Variants in CLASP1 observed in about 807,000 individuals in gnomAD.
The protein encoded by CLASP1 is cytoplasmic linker associated protein 1.
Under a neutral mutation model 192.3 loss-of-function variants are expected in CLASP1, and 38 were observed. That is an observed-to-expected ratio of 0.20 (90% CI 0.15 to 0.26). CLASP1 has a LOEUF of 0.26. Ranked by LOEUF, CLASP1 falls within the 10% of genes least tolerant of loss-of-function variation. The probability of loss-of-function intolerance (pLI) is 1.00; values close to 1 mark genes in which losing one functional copy is unlikely to be tolerated. For synonymous variants in CLASP1, 691 were observed against 712.8 expected, an observed-to-expected ratio of 0.97 and a Z score of 0.49; for missense variants, 1,433 against 1,932.5, an observed-to-expected ratio of 0.74 and a Z score of 4.85.
rs368425278 is a variant in CLASP1, at chr2:121,367,696, G to A, written c.3778C>T (p.Arg1260Trp). ...GGGTACGGGTTGTAGTCTCGCGCCC[G>A]CGGCCCCGGGAAGGCGCGCGGAGGC... Residue 1260 changes from arginine to tryptophan, a missense_variant, in exon 35 of 40, where the codon CGG becomes TGG. By Grantham distance (101) the Arg-to-Trp change is moderately radical. Coordinates refer to ENST00000263710, the Ensembl canonical transcript of CLASP1. The A allele has an allele frequency of 2.3e-5, 37 of 1,613,896 alleles. 1 individual carries two copies. Among genetic ancestry groups the A allele is most frequent in the African/African-American group, 1.1e-4 (8 of 74,920 alleles).
At position 121,530,931 on chromosome 2, in the gene CLASP1, G is replaced by T. The variant is rs557186710; in HGVS notation, c.196-606C>A. On this transcript the variant is annotated intron_variant, in intron 2 of 39. Transcript: ENST00000263710. Reference sequence around the variant, plus strand: ...ACTGTCCAATGAGCGCATAGTGAGGGCAGTACTGCTAACGCCTGAACAACA... The same window carrying T: ...ACTGTCCAATGAGCGCATAGTGAGGTCAGTACTGCTAACGCCTGAACAACA... 147 of 700,376 alleles carry T rather than the reference G, an allele frequency of 2.1e-4. No individual in the cohort carries two copies. The highest frequency in any genetic ancestry group is 3.4e-4 in the Non-Finnish European group (130 of 384,792). The allele number at this position is 700,376 out of a possible 1,614,324, so 43.4% of individuals were successfully genotyped here.
chr2:121,541,646 T>C lies in CLASP1; in HGVS notation c.196-11321A>G, dbSNP rs543128345. 9.8e-5 allele frequency among the ~76,000 whole-genome samples: 15 copies of C among 152,304 alleles called. 1 individual carries two copies. Among genetic ancestry groups the C allele is most frequent in the African/African-American group, 3.4e-4 (14 of 41,568 alleles). ...CGTCAGCCTCGGCGCTACACCTCTCTGAGGCTCTGGGAATGCCTCAGCTAG... is the reference window on the plus strand; with the variant it reads ...CGTCAGCCTCGGCGCTACACCTCTCCGAGGCTCTGGGAATGCCTCAGCTAG... On this transcript the variant is annotated intron_variant, in intron 2 of 39. Coordinates refer to ENST00000263710, the Ensembl canonical transcript of CLASP1.
chr2:121,347,770 C>T (rs2063640649), intron 38 of CLASP1, among the ~76,000 whole-genome samples: 1 of 152,138 alleles, frequency 6.6e-6, no homozygotes, highest in Admixed American at 6.5e-5. Context: ...TGTGCCTTTC[C>T]CTTTGTTTGG....
chr2:121,491,661 C>T (rs1234426943), intron 8 of CLASP1, among the ~76,000 whole-genome samples: 1 of 152,170 alleles, frequency 6.6e-6, no homozygotes, highest in African/African-American at 2.4e-5. Context: ...AAAGAAGAAA[C>T]ATCTATATAG....
intron 2 of CLASP1, among the ~76,000 whole-genome samples, chr2:121,556,639 G>A (rs2058597492): frequency 6.6e-6 from 1 of 152,086 alleles, no homozygotes; most frequent in African/African-American, 2.4e-5. Context: ...CTTCCCCTAA[G>A]TAACACATAA....
chr2:121,462,736 T>TATA, intron 9 of CLASP1, 131 bp from the exon 10 acceptor site: 4 of 623,734 alleles, frequency 6.4e-6, no homozygotes, highest in Non-Finnish European at 1.1e-5. Context: ...AAAGGCTTCA[T>TATA]ATAACTTTGA....
In CLASP1 at chr2:121,345,880, C is replaced by T. The variant is rs114552068; in HGVS notation, c.4530+1158G>A. On this transcript the variant is annotated intron_variant, in intron 39 of 39. Transcript: ENST00000263710. The stretch of plus-strand genomic sequence containing the variant: ...TGCTATTGGCACATGTCGGTATAGA[C>T]GGTGGTGGTCAGAGATGCTGCTTAA... Among the ~76,000 whole-genome samples the T allele has an allele frequency of 8.7e-3, 1,326 of 152,282 alleles. 13 individuals carry two copies. Among genetic ancestry groups the T allele is most frequent in the Non-Finnish European group, 0.015 (992 of 68,014 alleles).
intron 1 of CLASP1, among the ~76,000 whole-genome samples, chr2:121,631,600 T>A (rs2069668254): frequency 6.6e-6 from 1 of 152,022 alleles, no homozygotes; most frequent in South Asian, 2.1e-4. Context: ...ATTACATTTT[T>A]TAAACATATT....
rs1284074165 is a variant in CLASP1 at position 121,515,782 on chromosome 2, T to G, written c.547-20A>C. The G allele has an allele frequency of 6.2e-7, 1 of 1,602,266 alleles. No individual in the cohort carries two copies. On this transcript the variant is annotated intron_variant, in intron 6 of 39. Coordinates refer to ENST00000263710, the Ensembl canonical transcript of CLASP1. ...TCGAACCTAGATATAAAAGAAGAGATCTTACAGCTGCTCTGTGTCATCCCC... is the reference window on the plus strand; with the variant it reads ...TCGAACCTAGATATAAAAGAAGAGAGCTTACAGCTGCTCTGTGTCATCCCC...
chr2:121,611,067 A>G (rs201295109), intron 1 of CLASP1, among the ~76,000 whole-genome samples: 60 of 91,536 alleles, frequency 6.6e-4, no homozygotes, highest in South Asian at 1.3e-3. Context: ...AGGAGGAAGA[A>G]GAACTGGAGG....
intron 35 of CLASP1, among the ~76,000 whole-genome samples, chr2:121,366,719 C>G (rs944078721): frequency 6.6e-6 from 1 of 152,210 alleles, no homozygotes; most frequent in Non-Finnish European, 1.5e-5. Flanking sequence ...GTTCTAATTA[C>G]TCATTCAAAC....
At position 121,525,842 on chromosome 2, in the gene CLASP1, C is replaced by A; in HGVS notation, c.546+3G>T. 6.2e-7 allele frequency: 1 copy of A among 1,609,050 alleles called. No homozygotes were observed. Among genetic ancestry groups the A allele is most frequent in the Non-Finnish European group, 8.5e-7 (1 of 1,175,916 alleles). ...TCTCCCGAGGGTTTTCCTTCTCACT[C>A]ACCTGGCTGTTTGGATCTCCAAGTA... On this transcript the variant is annotated splice_donor_region_variant and intron_variant, in intron 6 of 39. Coordinates refer to ENST00000263710, the Ensembl canonical transcript of CLASP1.
At chr2:121,622,722 T>C (rs1272096164) in intron 1 of CLASP1, among the ~76,000 whole-genome samples, 1 of 152,234 alleles carries the variant, frequency 6.6e-6, no homozygotes, top group Non-Finnish European at 1.5e-5. Context: ...TTAATTTCTG[T>C]ATATTGATCC....
intron 1 of CLASP1, among the ~76,000 whole-genome samples, chr2:121,610,533 GGAGGAAGAGGAGCTGGAGGAGGAA>G (rs2065158576): frequency 6.7e-6 from 1 of 150,222 alleles, no homozygotes; most frequent in African/African-American, 2.5e-5. Flanking sequence ...AGGAGTTACA[GGAGGAAGAGGAGCTGGAGGAGGAA>G]GAGGAGTTAC....
At chr2:121,506,252 C>T (rs2093947015) in intron 7 of CLASP1, among the ~76,000 whole-genome samples, 1 of 152,078 alleles carries the variant, frequency 6.6e-6, no homozygotes, top group South Asian at 2.1e-4. Flanking sequence ...GCTGAAGTTC[C>T]CAAGTCTGGA....
At position 121,588,887 on chromosome 2, in the gene CLASP1, G is replaced by A. The variant is rs190543680; in HGVS notation, c.195+16814C>T. On this transcript the variant is annotated intron_variant, in intron 2 of 39. Coordinates refer to ENST00000263710, the Ensembl canonical transcript of CLASP1. ...CCTGTCCCTTTACATGAGTGGGAGC[G>A]ACCATTTTCGTGCACAGCCATGTCT... 2.8e-4 allele frequency among the ~76,000 whole-genome samples: 43 copies of A among 152,270 alleles called. No individual in the cohort carries two copies. In the East Asian group the frequency reaches 6.4e-3, roughly 23 times the overall value.
chr2:121,475,347 T>C (rs1233597382), intron 8 of CLASP1, among the ~76,000 whole-genome samples: 10 of 152,220 alleles, frequency 6.6e-5, no homozygotes, highest in Admixed American at 1.3e-4. Flanking sequence ...TCCTAGCTTT[T>C]CAGATATCAG....
intron 30 of CLASP1, among the ~76,000 whole-genome samples, chr2:121,396,885 T>G (rs574896920): frequency 6.6e-6 from 1 of 152,340 alleles, no homozygotes; most frequent in South Asian, 2.1e-4. Flanking sequence ...TAAAAGACAC[T>G]AATTTACTAG....
intron 28 of CLASP1, among the ~76,000 whole-genome samples, chr2:121,399,022 T>C (rs1219658220): frequency 2.0e-5 from 3 of 152,178 alleles, no homozygotes; most frequent in Non-Finnish European, 4.4e-5. Flanking sequence ...TAGTTTAAAA[T>C]TGCACAATGG....
Sources: allele counts gnomAD v4.1 joint callset (sites outside exome capture counted in the v4.1 genomes callset), GRCh38; gene constraint gnomAD v4.1.1; transcripts MANE v1.5; gene names NCBI Gene and HGNC (gene_info 2026-07-23, HGNC 2026-07-21).